The following FAT3 variants were observed in gnomAD, a reference collection of about 807,000 sequenced individuals.
FAT3 encodes the protein FAT atypical cadherin 3.
FAT3 carries 95 observed loss-of-function variants against 310.2 expected under a neutral mutation model. That is an observed-to-expected ratio of 0.31 (90% CI 0.26 to 0.36). FAT3 has a LOEUF of 0.36. FAT3 is among the 10% of genes least tolerant of loss of function. FAT3 has a pLI of 1.00. For synonymous variants in FAT3, 2,314 were observed against 2,192.9 expected (o/e 1.06, Z -1.54); for missense variants, 5,408 against 5,715.6 (o/e 0.95, Z 1.74).
intron 1 of FAT3, among the ~76,000 whole-genome samples, chr11:92,294,767 T>C (rs1333188338): frequency 2.0e-5 from 3 of 150,566 alleles, no homozygotes; most frequent in African/African-American, 7.3e-5. Flanking sequence ...CCTCTTTTTC[T>C]TTGGAAAGGT....
At chr11:92,618,322 G>A (rs7106096) in intron 3 of FAT3, among the ~76,000 whole-genome samples, 5,442 of 152,252 alleles carry the variant, frequency 0.036, 328 homozygotes, top group African/African-American at 0.12. Flanking sequence ...TGCTAAGACC[G>A]TTGGAAAAGT....
Position 92,886,978 on chromosome 11 carries a change from TTC to T in FAT3, c.12938-18_12938-17del, listed in dbSNP as rs1483694793. On this transcript the variant is annotated intron_variant, in intron 24 of 27. Coordinates refer to ENST00000525166, the MANE Select transcript of FAT3 (RefSeq NM_001367949.2). ...CAAGGTAACCAGTGTAATTTCTGCT[TTC>T]TCTTTCACTGTCCATGAAGACAAAG... 1.9e-6 allele frequency: 3 copies of T among 1,571,322 alleles called. No individual in the cohort carries two copies. The African/African-American group carries it at 4.0e-5, about 21-fold the overall frequency.
intron 2 of FAT3, among the ~76,000 whole-genome samples, chr11:92,379,048 C>T (rs1303871001): frequency 6.6e-6 from 1 of 152,072 alleles, no homozygotes; most frequent in African/African-American, 2.4e-5. Flanking sequence ...CAGTGTTTTT[C>T]CCATTTAGAT....
At chr11:92,291,586 CGAAGA>C (rs1946697722) in intron 1 of FAT3, among the ~76,000 whole-genome samples, 1 of 150,564 alleles carries the variant, frequency 6.6e-6, no homozygotes, top group Non-Finnish European at 1.5e-5. Flanking sequence ...TTCCTCTGGA[CGAAGA>C]GAGTTGGTCT....
intron 2 of FAT3, among the ~76,000 whole-genome samples, chr11:92,446,094 A>C (rs1463682041): frequency 1.3e-5 from 2 of 151,756 alleles, no homozygotes; most frequent in Non-Finnish European, 2.9e-5. Flanking sequence ...GCAATATTTC[A>C]TTGACCTAAA....
intron 22 of FAT3, among the ~76,000 whole-genome samples, chr11:92,871,481 T>C (rs1240190309): frequency 6.6e-6 from 1 of 152,250 alleles, no homozygotes; most frequent in Non-Finnish European, 1.5e-5. Flanking sequence ...GTCTCTGAAC[T>C]GCCCTGAATC....
chr11:92,662,311 C>T (rs1443369420), intron 3 of FAT3, among the ~76,000 whole-genome samples: 2 of 152,098 alleles, frequency 1.3e-5, no homozygotes, highest in Admixed American at 6.5e-5. Flanking sequence ...GGAGCATTTT[C>T]CTACTTGTTT....
At chr11:92,641,851 A>G (rs1446716450) in intron 3 of FAT3, among the ~76,000 whole-genome samples, 10 of 152,242 alleles carry the variant, frequency 6.6e-5, no homozygotes, top group Admixed American at 6.5e-4. Flanking sequence ...GTTTATTGCT[A>G]TAACTGTAAA....
At chr11:92,330,446 G>A (rs937455263) in intron 1 of FAT3, among the ~76,000 whole-genome samples, 1 of 152,082 alleles carries the variant, frequency 6.6e-6, no homozygotes, top group South Asian at 2.1e-4. Context: ...CTTCCTCAGC[G>A]GTACAATGAA....
At chr11:92,486,130 G>GTTTTTTTTTTTTTTTTTTTTTTTTT (rs71064714) in intron 2 of FAT3, among the ~76,000 whole-genome samples, 11 of 37,142 alleles carry the variant, frequency 3.0e-4, no homozygotes, top group African/African-American at 5.2e-4. Flanking sequence ...GGCTGCTGGG[G>GTTTTTTTTTTTTTTTTTTTTTTTTT]TTTTTTTTTT....
Position 92,892,744 on chromosome 11 carries a change from A to G in FAT3, c.*1631A>G, listed in dbSNP as rs1001462882. 1 of 152,182 alleles carries G rather than the reference A, an allele frequency of 6.6e-6. No individual in the cohort carries two copies. The highest frequency in any genetic ancestry group is 3.2e-3 in the Middle Eastern group (1 of 316). The allele number at this position is 152,182 out of a possible 1,614,324, so 9.4% of individuals were successfully genotyped here. A position where few individuals can be genotyped will look rare whatever the true frequency, so the allele number is the denominator to read the frequency against. On this transcript the variant is annotated 3_prime_UTR_variant, in exon 28 of 28. Transcript: ENST00000525166. ...TGCTTTTTAAAAACAGTATTTTGTTATAATTTTCCAGAACTTACCTCTGTT... is the reference window on the plus strand; with the variant it reads ...TGCTTTTTAAAAACAGTATTTTGTTGTAATTTTCCAGAACTTACCTCTGTT...
intron 3 of FAT3, among the ~76,000 whole-genome samples, chr11:92,628,999 A>G (rs1941443795): frequency 1.3e-5 from 2 of 152,240 alleles, no homozygotes; most frequent in African/African-American, 4.8e-5. Flanking sequence ...TCTTTTCATA[A>G]TGTGGTAGAA....
Position 92,660,040 on chromosome 11 carries a change from G to A in FAT3, c.3608-37344G>A, listed in dbSNP as rs763237821. On this transcript the variant is annotated intron_variant, in intron 3 of 27. Coordinates refer to ENST00000525166, the MANE Select transcript of FAT3 (RefSeq NM_001367949.2). ...TCCAGGCAGCATAGAGGAGAAACTC[G>A]AGAGTAAAACCACGGCAGACTTAGT... 5.9e-5 allele frequency among the ~76,000 whole-genome samples: 9 copies of A among 152,224 alleles called. No individual in the cohort carries two copies. In the South Asian group the frequency reaches 1.0e-3, roughly 18 times the overall value.
chr11:92,538,597 A>G (rs1954337658), intron 3 of FAT3, among the ~76,000 whole-genome samples: 1 of 152,140 alleles, frequency 6.6e-6, no homozygotes, highest in African/African-American at 2.4e-5. Flanking sequence ...AAATGCCTTG[A>G]AAGTCTCTGA....
intron 3 of FAT3, among the ~76,000 whole-genome samples, chr11:92,653,272 C>T (rs1381858381): frequency 1.3e-5 from 2 of 152,104 alleles, no homozygotes; most frequent in African/African-American, 4.8e-5. Context: ...TTAAAATGTT[C>T]CTCCTCCATA....
intron 2 of FAT3, among the ~76,000 whole-genome samples, chr11:92,514,055 T>C (rs2135321673): frequency 6.6e-6 from 1 of 152,296 alleles, no homozygotes; most frequent in East Asian, 1.9e-4. Context: ...CCCTTTCATC[T>C]CAAATATTTA....
At chr11:92,590,395 C>G (rs1315981811) in intron 3 of FAT3, among the ~76,000 whole-genome samples, 3 of 152,044 alleles carry the variant, frequency 2.0e-5, no homozygotes, top group African/African-American at 7.2e-5. Context: ...AAAACAGCAC[C>G]TGGCTGTGTT....
At chr11:92,816,546 A>G (rs1322118826) in intron 13 of FAT3, among the ~76,000 whole-genome samples, 1 of 152,192 alleles carries the variant, frequency 6.6e-6, no homozygotes, top group Non-Finnish European at 1.5e-5. Context: ...GTGAGCACTC[A>G]TTACCTCTGC....
rs866227424 is a variant in FAT3, at chr11:92,890,610, G to A, written c.13267G>A (p.Glu4423Lys). The A allele has an allele frequency of 6.2e-7, 1 of 1,613,656 alleles. No homozygotes were observed. The highest frequency in any genetic ancestry group is 1.3e-5 in the African/African-American group (1 of 74,838). ...SAHQGSTREL[E>K]SDYYLGGYDI... ...ACACCAGGGGAGCACACGGGAGCTG[G>A]AGAGCGATTACTACCTGGGTGGTTA... The change falls in exon 28 of 28, where the codon GAG becomes AAG. Residue 4423 changes from glutamate to lysine, a missense_variant. Glu to Lys is a moderately conservative substitution (Grantham distance 56). Around this residue, in one of 5 missense-constraint regions of FAT3, gnomAD observed 649 missense variants for 666.2 expected, o/e 0.97. Transcript: ENST00000525166.
Sources: allele counts gnomAD v4.1 joint callset (sites outside exome capture counted in the v4.1 genomes callset), GRCh38; gene constraint gnomAD v4.1.1; regional missense constraint gnomAD v4.1.1; transcripts MANE v1.5; gene names NCBI Gene and HGNC (gene_info 2026-07-23, HGNC 2026-07-21).